VCPIP1: variants seen among roughly 807,000 people sequenced by gnomAD.
VCPIP1 encodes the protein deubiquitinating protein VCPIP1.
A neutral mutation model predicts 85.0 loss-of-function variants in VCPIP1; 8 were observed. That is an observed-to-expected ratio of 0.09 (90% CI 0.06 to 0.17). VCPIP1 has a LOEUF of 0.17. Ranked by LOEUF, VCPIP1 falls within the 10% of genes least tolerant of loss-of-function variation. The probability of loss-of-function intolerance (pLI) is 1.00; values close to 1 mark genes in which losing one functional copy is unlikely to be tolerated. For missense variants in VCPIP1, 1,070 were observed against 1,486.3 expected (o/e 0.72, Z 4.61); for synonymous variants, 543 against 544.5 (o/e 1.00, Z 0.04).
At chr8:66,663,617 ATC>A (rs143714802) in intron 1 of VCPIP1, among the ~76,000 whole-genome samples, 2,853 of 152,292 alleles carry the variant, frequency 0.019, 61 homozygotes, top group South Asian at 0.046. Context: ...ATTACCATCC[ATC>A]TCTGTTTATG....
chr8:66,642,870 G>C (rs966417074), intron 2 of VCPIP1, among the ~76,000 whole-genome samples: 14 of 151,614 alleles, frequency 9.2e-5, no homozygotes, highest in Non-Finnish European at 1.6e-4. Flanking sequence ...GGAAGATAGT[G>C]CATATTGATC....
At position 66,664,561 on chromosome 8, in the gene VCPIP1, G is replaced by C; in HGVS notation, c.2398C>G (p.Leu800Val). The change falls in exon 1 of 3, where the codon CTT (leucine) becomes GTT (valine). Residue 800 changes from leucine (L) to valine (V), a missense_variant. This residue lies in a region of VCPIP1 where 278 missense variants were observed against 298.5 expected (regional missense o/e 0.93). Coordinates refer to ENST00000310421, the MANE Select transcript of VCPIP1 (RefSeq NM_025054.5). ...AATTCTCTGGCTATACTTTCCTGAA[G>C]TTCAAAAAAGGTTGTTGAAGACTTA... ...TLKSSTTFFE[L>V]QESIAREFNI... is the part of the protein sequence containing the mutation. 6.2e-7 allele frequency: 1 copy of C among 1,614,154 alleles called. No individual in the cohort carries two copies. Among genetic ancestry groups the C allele is most frequent in the Non-Finnish European group, 8.5e-7 (1 of 1,180,028 alleles).
intron 2 of VCPIP1, among the ~76,000 whole-genome samples, chr8:66,649,912 CT>C (rs748551568): frequency 6.6e-6 from 1 of 151,834 alleles, no homozygotes; most frequent in African/African-American, 2.4e-5. Context: ...AAAAACAAGG[CT>C]TTTTTTGGTC....
At chr8:66,649,589 C>T (rs565413114) in intron 2 of VCPIP1, among the ~76,000 whole-genome samples, 7 of 152,208 alleles carry the variant, frequency 4.6e-5, no homozygotes, top group East Asian at 1.9e-4. Flanking sequence ...TTAAAGATGC[C>T]GGACACAAAA....
chr8:66,643,792 T>A (rs1810969660), intron 2 of VCPIP1, among the ~76,000 whole-genome samples: 1 of 138,902 alleles, frequency 7.2e-6, no homozygotes. Context: ...AAAGCAGAAA[T>A]CAATGAAACT....
chr8:66,665,536 G>A lies in VCPIP1; in HGVS notation c.1423C>T (p.Leu475Phe). 6.2e-7 allele frequency: 1 copy of A among 1,614,066 alleles called. No homozygotes were observed. Among genetic ancestry groups the A allele is most frequent in the Non-Finnish European group, 8.5e-7 (1 of 1,179,972 alleles). The stretch of plus-strand genomic sequence containing the variant: ...TCTGGAGGAACATGAAGTTCAGAAA[G>A]GGCACCACAGAGCAAACATTTGTGA... ...RLHKCLLCGA[L>F]SELHVPPEWL... The change falls in exon 1 of 3, where the codon CTT (leucine) becomes TTT (phenylalanine). Residue 475 changes from leucine (L) to phenylalanine (F), a missense_variant. Physicochemically the swap from Leu to Phe is conservative, Grantham distance 22. Transcript: ENST00000310421. The surrounding 1 kb of genome is among the most constrained non-coding windows in gnomAD (Gnocchi z 4.3).
At chr8:66,639,973 A>G (rs1161944244) in intron 2 of VCPIP1, among the ~76,000 whole-genome samples, 1 of 152,066 alleles carries the variant, frequency 6.6e-6, no homozygotes, top group African/African-American at 2.4e-5. Flanking sequence ...GGGAGGAGGG[A>G]GGATCAGGTG....
rs556179404 is a variant in VCPIP1 at position 66,635,781 on chromosome 8, C to G, written c.2798-409G>C. ...ACACAAAATTAGCTGGGCATGGCAGCAGGCGCCTGTAATCCCAGCTACTTG... is the reference window on the plus strand; with the variant it reads ...ACACAAAATTAGCTGGGCATGGCAGGAGGCGCCTGTAATCCCAGCTACTTG... On this transcript the variant is annotated intron_variant, in intron 2 of 2. Coordinates refer to ENST00000310421, the MANE Select transcript of VCPIP1 (RefSeq NM_025054.5). Among the ~76,000 whole-genome samples, 43 of 151,566 alleles carry G rather than the reference C, an allele frequency of 2.8e-4. 1 individual carries two copies. Among genetic ancestry groups the G allele is most frequent in the African/African-American group, 8.5e-4 (35 of 41,292 alleles).
chr8:66,665,519 A>T lies in VCPIP1; in HGVS notation c.1440T>A (p.Val480=). 6.2e-7 allele frequency: 1 copy of T among 1,614,126 alleles called. No homozygotes were observed. ...CTCCAGGAGCCAACCACTCTGGAGG[A>T]ACATGAAGTTCAGAAAGGGCACCAC... ...LLCGALSELH[V]PPEWLAPGGK... Residue 480 remains valine (V), a synonymous_variant, in exon 1 of 3, where the codon GTT becomes GTA. Coordinates refer to ENST00000310421, the MANE Select transcript of VCPIP1 (RefSeq NM_025054.5). This position sits in a 1 kb window ranked among gnomAD's most constrained non-coding sequence, Gnocchi z 4.3.
chr8:66,658,282 C>T (rs949490661), intron 1 of VCPIP1, among the ~76,000 whole-genome samples: 3 of 148,822 alleles, frequency 2.0e-5, no homozygotes, highest in Non-Finnish European at 4.4e-5. Context: ...TGCAGTGAGC[C>T]GAGATTGCAC....
At chr8:66,651,656 T>C (rs1436897774) in intron 1 of VCPIP1, 112 bp from the exon 2 acceptor site, 15 of 724,380 alleles carry the variant, frequency 2.1e-5, no homozygotes, top group Non-Finnish European at 2.5e-5. Flanking sequence ...CCTAAATGAG[T>C]GAAACAGCCT....
At chr8:66,637,160 G>A (rs907512676) in intron 2 of VCPIP1, among the ~76,000 whole-genome samples, 1 of 151,538 alleles carries the variant, frequency 6.6e-6, no homozygotes, top group African/African-American at 2.4e-5. Flanking sequence ...TACCAGCTGG[G>A]CAACATGGTA....
Position 66,666,508 on chromosome 8 carries a change from C to T in VCPIP1, c.451G>A (p.Asp151Asn), listed in dbSNP as rs1811212310. Residue 151 changes from aspartate (D) to asparagine (N), a missense_variant, in exon 1 of 3, where the codon GAC (aspartate) becomes AAC (asparagine). Transcript: ENST00000310421. This position sits in a 1 kb window ranked among gnomAD's most constrained non-coding sequence, Gnocchi z 6.3. ...KQTGRAKLLR[D>N]MNQGELFDCA... Reference sequence around the variant, plus strand: ...TCGAACAGTTCGCCCTGGTTCATGTCCCGGAGAAGCTTGGCCCGGCCTGTC... The same window carrying T: ...TCGAACAGTTCGCCCTGGTTCATGTTCCGGAGAAGCTTGGCCCGGCCTGTC... 1.9e-6 allele frequency: 3 copies of T among 1,614,194 alleles called. No homozygotes were observed. Among genetic ancestry groups the T allele is most frequent in the Non-Finnish European group, 2.5e-6 (3 of 1,180,036 alleles).
chr8:66,634,285 T>A lies in VCPIP1; in HGVS notation c.*216A>T. 2.3e-6 allele frequency: 1 copy of A among 431,236 alleles called. No homozygotes were observed. Among genetic ancestry groups the A allele is most frequent in the Non-Finnish European group, 4.0e-6 (1 of 250,484 alleles). The allele number at this position is 431,236 out of a possible 1,614,324, so 26.7% of individuals were successfully genotyped here. A position where few individuals can be genotyped will look rare whatever the true frequency, so the allele number is the denominator to read the frequency against. ...TGGAAGAAAGTCATCTCAGCAGATCTAACAGCTAATTTATAGAAATTCAGA... is the reference window on the plus strand; with the variant it reads ...TGGAAGAAAGTCATCTCAGCAGATCAAACAGCTAATTTATAGAAATTCAGA... On this transcript the variant is annotated 3_prime_UTR_variant, in exon 3 of 3. Coordinates refer to ENST00000310421, the MANE Select transcript of VCPIP1 (RefSeq NM_025054.5).
chr8:66,648,048 T>C (rs938292601), intron 2 of VCPIP1, among the ~76,000 whole-genome samples: 2 of 152,148 alleles, frequency 1.3e-5, no homozygotes, highest in Non-Finnish European at 2.9e-5. Flanking sequence ...CCGCTCACCT[T>C]GGCCTCCCAA....
Position 66,666,886 on chromosome 8 carries a change from A to G in VCPIP1, c.73T>C (p.Ser25Pro). The part of the protein sequence containing the change: ...PPPPEAPQTP[S>P]SLASAAASGG... ...GAAGCAGCCGCCGACGCCAAGGACG[A>G]CGGAGTCTGTGGAGCCTCAGGGGGA... The change falls in exon 1 of 3, where the codon TCG becomes CCG. Residue 25 changes from serine to proline, a missense_variant. Ser to Pro is a moderately conservative substitution (Grantham distance 74). Coordinates refer to ENST00000310421, the MANE Select transcript of VCPIP1 (RefSeq NM_025054.5). This position sits in a 1 kb window ranked among gnomAD's most constrained non-coding sequence, Gnocchi z 6.3. 6.2e-7 allele frequency: 1 copy of G among 1,612,596 alleles called. No homozygotes were observed. Among genetic ancestry groups the G allele is most frequent in the Non-Finnish European group, 8.5e-7 (1 of 1,179,766 alleles).
chr8:66,651,565 T>C (rs747477750), intron 1 of VCPIP1, 21 bp from the exon 2 acceptor site: 37 of 1,595,484 alleles, frequency 2.3e-5, no homozygotes, highest in East Asian at 1.3e-4. Flanking sequence ...AAAACAGATA[T>C]AGTATTAGCA....
chr8:66,639,895 C>T (rs1483564748), intron 2 of VCPIP1, among the ~76,000 whole-genome samples: 1 of 151,950 alleles, frequency 6.6e-6, no homozygotes, highest in African/African-American at 2.4e-5. Context: ...ATGGGAGCTA[C>T]ATGATGAGAA....
At chr8:66,654,389 T>C (rs933099831) in intron 1 of VCPIP1, among the ~76,000 whole-genome samples, 1 of 152,172 alleles carries the variant, frequency 6.6e-6, no homozygotes, top group African/African-American at 2.4e-5. Flanking sequence ...GGCAGGAGAA[T>C]TGCTTGAGCC....
Sources: gnomAD v4.1 joint callset for allele counts (sites outside exome capture counted in the v4.1 genomes callset) on GRCh38, gnomAD v4.1.1 for gene constraint, gnomAD v4.1.1 regional missense constraint, Gnocchi (gnomAD v3.1) non-coding constraint, MANE v1.5 for transcripts, NCBI Gene and HGNC (gene_info 2026-07-23, HGNC 2026-07-21) for gene names.